The following CACNA1C variants were observed in gnomAD, a reference collection of about 807,000 sequenced individuals.
The protein encoded by CACNA1C is calcium voltage-gated channel subunit alpha1 C, also known as voltage-dependent L-type calcium channel subunit alpha-1C.
Under a neutral mutation model 229.0 loss-of-function variants are expected in CACNA1C, and 30 were observed. The observed-to-expected ratio is 0.13, with a 90% confidence interval of 0.10 to 0.18. The LOEUF (loss-of-function observed/expected upper bound fraction) is 0.18, where lower values mean the gene tolerates loss of function less well. Among genes scored for constraint, CACNA1C ranks in the 10% least tolerant of loss-of-function variants. The pLI is 1.00. For missense variants in CACNA1C, 1,658 were observed against 2,845.0 expected (o/e 0.58, Z 9.49); for synonymous variants, 1,114 against 1,132.5 (o/e 0.98, Z 0.33).
chr12:2,442,955 G>C, intron 3 of CACNA1C, among the ~76,000 whole-genome samples: 1 of 152,128 alleles, frequency 6.6e-6, no homozygotes, highest in East Asian at 1.9e-4. Flanking sequence ...TTGAACATGA[G>C]ATCTAGGTGA....
intron 5 of CACNA1C, among the ~76,000 whole-genome samples, chr12:2,469,940 A>G (rs924834615): frequency 2.0e-5 from 3 of 152,338 alleles, no homozygotes; most frequent in Non-Finnish European, 2.9e-5. Flanking sequence ...TATTAATTAC[A>G]TTGCATTTTC....
intron 8 of CACNA1C, among the ~76,000 whole-genome samples, chr12:2,509,414 C>T (rs574050286): frequency 3.3e-5 from 5 of 152,290 alleles, no homozygotes; most frequent in African/African-American, 9.6e-5. Flanking sequence ...GACACTGAGA[C>T]GTTGGTCCTG....
At chr12:2,245,219 A>G (rs895789833) in intron 3 of CACNA1C, among the ~76,000 whole-genome samples, 3 of 152,176 alleles carry the variant, frequency 2.0e-5, no homozygotes, top group Admixed American at 2.0e-4. Context: ...TGTTCCTCCT[A>G]GTTGAAGACA....
intron 18 of CACNA1C, 129 bp downstream of exon 18, chr12:2,586,033 C>G (rs144366625): frequency 1.6e-5 from 9 of 549,410 alleles, no homozygotes; most frequent in Non-Finnish European, 2.6e-5. Context: ...CCTTCCACTG[C>G]TGAGTGTCTT....
At chr12:2,341,765 G>A in intron 3 of CACNA1C, among the ~76,000 whole-genome samples, 1 of 152,216 alleles carries the variant, frequency 6.6e-6, no homozygotes, top group African/African-American at 2.4e-5. Flanking sequence ...CCTCATTCAG[G>A]GGTAACTGAC....
intron 1 of CACNA1C, among the ~76,000 whole-genome samples, chr12:2,077,308 TTCTG>T (rs770612333): frequency 1.3e-4 from 20 of 152,256 alleles, no homozygotes; most frequent in Non-Finnish European, 2.4e-4. Context: ...AAATGTTTTC[TTCTG>T]TCTTTTTCAA....
intron 29 of CACNA1C, among the ~76,000 whole-genome samples, chr12:2,620,534 C>T (rs564841952): frequency 1.3e-5 from 2 of 152,248 alleles, no homozygotes; most frequent in African/African-American, 2.4e-5. Flanking sequence ...TGTCCTGCCA[C>T]CTTCTCTGAG....
At chr12:2,321,508 T>C (rs1356953805) in intron 3 of CACNA1C, among the ~76,000 whole-genome samples, 1 of 152,140 alleles carries the variant, frequency 6.6e-6, no homozygotes, top group Non-Finnish European at 1.5e-5. Flanking sequence ...GCACCTACAG[T>C]GTGTCAGGAT....
At position 2,605,713 on chromosome 12, in the gene CACNA1C, C is replaced by T; in HGVS notation, c.3083C>T (p.Thr1028Ile). Residue 1028 changes from threonine (T) to isoleucine (I), a missense_variant, in exon 24 of 47, where the codon ACC (threonine) becomes ATC (isoleucine). Transcript: ENST00000399655. The surrounding 1 kb of genome is among the most constrained non-coding windows in gnomAD (Gnocchi z 6.2). ...VVQCVFVAIRTIGNIVIVTTL... is the reference protein window; with the variant it reads ...VVQCVFVAIRIIGNIVIVTTL... ...CAGTGTGTGTTTGTCGCCATCCGGACCATCGGGAACATCGTGATTGTCACC... is the reference window on the plus strand; with the variant it reads ...CAGTGTGTGTTTGTCGCCATCCGGATCATCGGGAACATCGTGATTGTCACC... 6.2e-7 allele frequency: 1 copy of T among 1,613,972 alleles called. No individual in the cohort carries two copies. Among genetic ancestry groups the T allele is most frequent in the Non-Finnish European group, 8.5e-7 (1 of 1,179,874 alleles).
intron 3 of CACNA1C, among the ~76,000 whole-genome samples, chr12:2,408,597 C>G: frequency 6.6e-6 from 1 of 151,522 alleles, no homozygotes. Flanking sequence ...CCCTTCTGGT[C>G]TACTGCTTCT....
intron 29 of CACNA1C, among the ~76,000 whole-genome samples, chr12:2,627,222 C>T (rs2087256665): frequency 6.6e-6 from 1 of 152,170 alleles, no homozygotes; most frequent in Admixed American, 6.5e-5. Context: ...GCAGAAATCC[C>T]CACCTCCTCC....
At position 2,450,553 on chromosome 12, in the gene CACNA1C, C is replaced by CAAAAA. The variant is rs796416420; in HGVS notation, c.617+1459_617+1463dup. Among the ~76,000 whole-genome samples, 108 of 38,966 alleles carry CAAAAA rather than the reference C, an allele frequency of 2.8e-3. 14 individuals carry two copies. Among genetic ancestry groups the CAAAAA allele is most frequent in the African/African-American group, 6.5e-3 (77 of 11,928 alleles). 25.6% of individuals were successfully genotyped at this position (38,966 alleles called of 152,430 possible). A position where few individuals can be genotyped will look rare whatever the true frequency, so the allele number is the denominator to read the frequency against. On this transcript the variant is annotated intron_variant, in intron 4 of 46. Transcript: ENST00000399655. ...TGGGCAACAGAGCGAGACTCCATCT[C>CAAAAA]AAAAAAAAAAAAAAAAAAAAAAAAA...
intron 3 of CACNA1C, among the ~76,000 whole-genome samples, chr12:2,137,484 G>T (rs74807647): frequency 0.011 from 1,699 of 151,204 alleles, 37 homozygotes; most frequent in African/African-American, 0.039. Context: ...TGCTTGGGAG[G>T]CTGAGACGGG....
rs147811963 is a variant in CACNA1C at position 2,373,701 on chromosome 12, C to T, written c.478-75275C>T. ...AGAAGGGAAACAACAGAATTATATT[C>T]GTATTTATGAGTTTGCTCCAGCTGC... On this transcript the variant is annotated intron_variant, in intron 3 of 46. Coordinates refer to ENST00000399655, the MANE Select transcript of CACNA1C (RefSeq NM_000719.7). Among the ~76,000 whole-genome samples, 974 of 152,274 alleles carry T rather than the reference C, an allele frequency of 6.4e-3. 6 individuals carry two copies. The highest frequency in any genetic ancestry group is 0.022 in the African/African-American group (922 of 41,562).
intron 13 of CACNA1C, 61 bp from the exon 14 acceptor site, chr12:2,581,529 G>A (rs1278483352): frequency 2.8e-6 from 4 of 1,442,306 alleles, no homozygotes; most frequent in Non-Finnish European, 3.7e-6. Flanking sequence ...TTGTGAGAAT[G>A]AGGCACGATG....
rs187261372 is a variant in CACNA1C at position 2,595,704 on chromosome 12, T to A, written c.2664-170T>A. 2.1e-3 allele frequency among the ~76,000 whole-genome samples: 323 copies of A among 152,250 alleles called. 2 individuals carry two copies. The highest frequency in any genetic ancestry group is 7.5e-3 in the African/African-American group (312 of 41,538). On this transcript the variant is annotated intron_variant, in intron 19 of 46. Coordinates refer to ENST00000399655, the MANE Select transcript of CACNA1C (RefSeq NM_000719.7). The surrounding 1 kb of genome is among the most constrained non-coding windows in gnomAD (Gnocchi z 4.1). ...TATGTGCACCATGGGGGTGAGCAGT[T>A]GTCATTACCAAGCAGCAGTAAGACT...
At chr12:2,582,478 G>A (rs2060886172) in intron 14 of CACNA1C, among the ~76,000 whole-genome samples, 1 of 152,172 alleles carries the variant, frequency 6.6e-6, no homozygotes, top group Non-Finnish European at 1.5e-5. Flanking sequence ...TGTAGCCTGT[G>A]GCTGTCTCAG....
intron 3 of CACNA1C, among the ~76,000 whole-genome samples, chr12:2,186,208 T>C (rs2096999893): frequency 6.6e-6 from 1 of 152,158 alleles, no homozygotes; most frequent in Non-Finnish European, 1.5e-5. Context: ...CTTCCCGACA[T>C]GTGGCCAGCA....
At chr12:2,174,229 ACC>A (rs1281777610) in intron 3 of CACNA1C, among the ~76,000 whole-genome samples, 6 of 152,186 alleles carry the variant, frequency 3.9e-5, no homozygotes, top group African/African-American at 1.4e-4. Context: ...TCTAGACATC[ACC>A]AGTGCCTGGG....
Sources: gnomAD v4.1 joint callset for allele counts (sites outside exome capture counted in the v4.1 genomes callset) on GRCh38, gnomAD v4.1.1 for gene constraint, Gnocchi (gnomAD v3.1) non-coding constraint, MANE v1.5 for transcripts, NCBI Gene and HGNC (gene_info 2026-07-23, HGNC 2026-07-21) for gene names.